Variants in MIA2 observed in about 807,000 individuals in gnomAD.
MIA2 encodes the protein melanoma inhibitory activity protein 2.
In MIA2, 127 loss-of-function variants were observed where a neutral mutation model predicts 167.8. The ratio of observed to expected loss-of-function variants is 0.76; its 90% CI spans 0.66 to 0.88. The LOEUF is 0.88. Ranked by LOEUF, MIA2 falls within the 40% of genes least tolerant of loss-of-function variation. MIA2 has a pLI of 0.00. For synonymous variants in MIA2, 552 were observed against 541.9 expected, an observed-to-expected ratio of 1.02 and a Z score of -0.26; for missense variants, 1,690 against 1,624.7, an observed-to-expected ratio of 1.04 and a Z score of -0.69.
chr14:39,286,940 G>C lies in MIA2; in HGVS notation c.2131-4079G>C, dbSNP rs374351748. Among the ~76,000 whole-genome samples, 7 of 151,982 alleles carry C rather than the reference G, an allele frequency of 4.6e-5. No individual in the cohort carries two copies. In the South Asian group the frequency reaches 1.2e-3, roughly 27 times the overall value. On this transcript the variant is annotated intron_variant, in intron 9 of 28. Transcript: ENST00000640607. ...AGGGTTTCACCATGTTGGACAGGCT[G>C]GTCTCGAACTTCTGACCTCAAGTGA...
intron 19 of MIA2, 43 bp downstream of exon 19, chr14:39,313,484 A>G (rs556393386): frequency 1.7e-6 from 2 of 1,153,150 alleles, no homozygotes; most frequent in Admixed American, 5.1e-5. Context: ...GAATGGGAAG[A>G]GTATCTAAAA....
intron 23 of MIA2, among the ~76,000 whole-genome samples, chr14:39,360,001 T>G (rs955205590): frequency 4.0e-5 from 6 of 151,208 alleles, no homozygotes; most frequent in Admixed American, 1.3e-4. Context: ...TGTTTTTTTT[T>G]TTTTTTTTTT....
intron 9 of MIA2, among the ~76,000 whole-genome samples, chr14:39,281,677 AG>A (rs536675191): frequency 4.2e-4 from 62 of 147,018 alleles, no homozygotes; most frequent in African/African-American, 1.5e-3. Context: ...AGTGGAGTGC[AG>A]TAGCGCGACC....
At chr14:39,255,173 A>G (rs1024835861) in intron 6 of MIA2, among the ~76,000 whole-genome samples, 1 of 152,094 alleles carries the variant, frequency 6.6e-6, no homozygotes, top group Non-Finnish European at 1.5e-5. Flanking sequence ...TTTATTCTGT[A>G]TGATTTGGTG....
intron 23 of MIA2, among the ~76,000 whole-genome samples, chr14:39,380,504 C>T (rs187742690): frequency 3.9e-4 from 60 of 151,968 alleles, no homozygotes; most frequent in African/African-American, 1.3e-3. Flanking sequence ...AGCATCCTGG[C>T]CAACATGGTG....
chr14:39,271,904 T>C (rs2057224260), intron 6 of MIA2, among the ~76,000 whole-genome samples: 1 of 151,820 alleles, frequency 6.6e-6, no homozygotes, highest in African/African-American at 2.4e-5. Context: ...ATGCAGGGGG[T>C]GGTTCCCCTA....
chr14:39,328,335 A>G (rs2068005102), intron 25 of MIA2, among the ~76,000 whole-genome samples: 1 of 151,800 alleles, frequency 6.6e-6, no homozygotes, highest in South Asian at 2.1e-4. Context: ...TTTCTTGTAA[A>G]TTTAAGTTGC....
At chr14:39,296,739 T>C (rs1324046288) in intron 13 of MIA2, among the ~76,000 whole-genome samples, 1 of 151,414 alleles carries the variant, frequency 6.6e-6, no homozygotes, top group Non-Finnish European at 1.5e-5. Context: ...CACCCACTAA[T>C]GTGTCATCTA....
intron 17 of MIA2, among the ~76,000 whole-genome samples, chr14:39,308,136 T>G (rs572211948): frequency 6.6e-6 from 1 of 152,332 alleles, no homozygotes; most frequent in South Asian, 2.1e-4. Flanking sequence ...GGATTTTGAA[T>G]GTTCATAACA....
intron 21 of MIA2, 84 bp downstream of exon 21, chr14:39,315,802 A>C (rs992579119): frequency 1.3e-5 from 12 of 903,850 alleles, no homozygotes; most frequent in Non-Finnish European, 1.9e-5. Context: ...ATTAGATGAA[A>C]ATAAATATAG....
intron 4 of MIA2, among the ~76,000 whole-genome samples, chr14:39,249,537 CAA>C (rs56249977): frequency 2.9e-5 from 4 of 139,640 alleles, no homozygotes; most frequent in Non-Finnish European, 3.1e-5. Flanking sequence ...AAAACTCAAG[CAA>C]AAAAAAAAAG....
rs1298359929 is a variant in MIA2, at chr14:39,326,905, A to G, written c.3538A>G (p.Asn1180Asp). The change falls in exon 25 of 29, where the codon AAT (asparagine) becomes GAT (aspartate). Residue 1180 changes from asparagine to aspartate, a missense_variant. Physicochemically the swap from Asn to Asp is conservative, Grantham distance 23. Coordinates refer to ENST00000640607, the MANE Select transcript of MIA2 (RefSeq NM_001329214.4). ...PGNPLDHQIT[N>D]ERGESSCDRL... ...GAATCCTCTGGACCATCAGATTACCAATGAAAGAGGAGAATCAAGCTGTGA... is the reference window on the plus strand; with the variant it reads ...GAATCCTCTGGACCATCAGATTACCGATGAAAGAGGAGAATCAAGCTGTGA... 1.3e-6 allele frequency: 2 copies of G among 1,597,054 alleles called. No individual in the cohort carries two copies. Among genetic ancestry groups the G allele is most frequent in the Admixed American group, 1.7e-5 (1 of 57,308 alleles).
chr14:39,326,356 C>T (rs537177171), intron 24 of MIA2, among the ~76,000 whole-genome samples: 57 of 152,134 alleles, frequency 3.7e-4, no homozygotes, highest in African/African-American at 5.8e-4. Context: ...CTCATTGACT[C>T]GTAACACTAT....
At chr14:39,244,632 A>T (rs560795792) in intron 3 of MIA2, among the ~76,000 whole-genome samples, 2 of 152,116 alleles carry the variant, frequency 1.3e-5, no homozygotes, top group Non-Finnish European at 2.9e-5. Context: ...GGCAGCACAC[A>T]TCGCTATTTC....
rs1048967679 is a variant in MIA2, at chr14:39,266,658, C to G, written c.1888-10276C>G. The G allele has an allele frequency of 1.1e-5, 11 of 985,640 alleles. No individual in the cohort carries two copies. The East Asian group carries it at 9.1e-4, about 81-fold the overall frequency. 61.1% of individuals were successfully genotyped at this position (985,640 alleles called of 1,614,324 possible). ...ACGTGGTTGGCAGGGCGCACCGGCGCGTGCCCCGCAGGCCATTTTTCTGAC... is the reference window on the plus strand; with the variant it reads ...ACGTGGTTGGCAGGGCGCACCGGCGGGTGCCCCGCAGGCCATTTTTCTGAC... On this transcript the variant is annotated intron_variant, in intron 6 of 28. Transcript: ENST00000640607.
At chr14:39,305,435 GT>G (rs2063178216) in intron 17 of MIA2, among the ~76,000 whole-genome samples, 1 of 152,094 alleles carries the variant, frequency 6.6e-6, no homozygotes. Flanking sequence ...GCAAATCTTT[GT>G]TTCTTTCTTA....
rs186847986 is a variant in MIA2 at position 39,316,654 on chromosome 14, C to A, written c.3216+936C>A. Reference sequence around the variant, plus strand: ...GATTAGGTGTGGTGAATGTCTAGGTCCTCCTCAGTTGTAAGATTCTGTATG... The same window carrying A: ...GATTAGGTGTGGTGAATGTCTAGGTACTCCTCAGTTGTAAGATTCTGTATG... On this transcript the variant is annotated intron_variant, in intron 21 of 28. Coordinates refer to ENST00000640607, the MANE Select transcript of MIA2 (RefSeq NM_001329214.4). Among the ~76,000 whole-genome samples the A allele has an allele frequency of 1.1e-4, 17 of 152,198 alleles. No homozygotes were observed. The East Asian group carries it at 3.3e-3, about 29-fold the overall frequency.
intron 25 of MIA2, among the ~76,000 whole-genome samples, chr14:39,334,677 C>A (rs1418405543): frequency 6.6e-6 from 1 of 151,554 alleles, no homozygotes; most frequent in Non-Finnish European, 1.5e-5. Context: ...AGCGATTCTC[C>A]TGCCTCATCC....
intron 4 of MIA2, among the ~76,000 whole-genome samples, chr14:39,249,441 C>T (rs924216790): frequency 1.3e-5 from 2 of 151,846 alleles, no homozygotes; most frequent in African/African-American, 4.8e-5. Flanking sequence ...CCTCCCACTT[C>T]AGCCTCTCAA....
Sources: gnomAD v4.1 joint callset for allele counts (sites outside exome capture counted in the v4.1 genomes callset) on GRCh38, gnomAD v4.1.1 for gene constraint, MANE v1.5 for transcripts, NCBI Gene and HGNC (gene_info 2026-07-23, HGNC 2026-07-21) for gene names.